The following RIN3 variants were observed in gnomAD, a reference collection of about 807,000 sequenced individuals.
RIN3 encodes the protein Ras and Rab interactor 3.
A neutral mutation model predicts 76.3 loss-of-function variants in RIN3; 54 were observed. The observed-to-expected ratio is 0.71, with a 90% CI of 0.57 to 0.89. The LOEUF is 0.89. RIN3 is among the 40% of genes least tolerant of loss of function. The probability of loss-of-function intolerance (pLI) is 0.00; values close to 1 mark genes in which losing one functional copy is unlikely to be tolerated. For synonymous variants in RIN3, 576 were observed against 564.0 expected, an observed-to-expected ratio of 1.02 and a Z score of -0.30; for missense variants, 1,256 against 1,322.1, an observed-to-expected ratio of 0.95 and a Z score of 0.78.
chr14:92,548,621 T>C (rs980043493), intron 1 of RIN3, among the ~76,000 whole-genome samples: 4 of 152,072 alleles, frequency 2.6e-5, no homozygotes, highest in African/African-American at 9.7e-5. Flanking sequence ...TGGCACTCCT[T>C]GGCTTGGGGC....
chr14:92,540,336 A>T (rs1008182485), intron 1 of RIN3, among the ~76,000 whole-genome samples: 9 of 152,138 alleles, frequency 5.9e-5, no homozygotes, highest in Admixed American at 2.0e-4. Flanking sequence ...GCTGCACTCT[A>T]TTCCCCACCT....
chr14:92,629,754 G>A (rs1425629128), intron 4 of RIN3, among the ~76,000 whole-genome samples: 2 of 152,220 alleles, frequency 1.3e-5, no homozygotes, highest in Non-Finnish European at 2.9e-5. Context: ...AAATGCTCTT[G>A]TTATCCCCAT....
At chr14:92,577,754 G>C (rs1041639270) in intron 3 of RIN3, among the ~76,000 whole-genome samples, 4 of 152,166 alleles carry the variant, frequency 2.6e-5, no homozygotes, top group Admixed American at 6.5e-5. Context: ...CTCAATGCAG[G>C]GACGCTGGAG....
At chr14:92,611,410 G>A (rs970621204) in intron 3 of RIN3, among the ~76,000 whole-genome samples, 1 of 152,128 alleles carries the variant, frequency 6.6e-6, no homozygotes. Flanking sequence ...CGAGGCACCT[G>A]CTACCACTCC....
In RIN3 at chr14:92,652,151, T is replaced by C. The variant is rs762777445; in HGVS notation, c.1102T>C (p.Leu368=). 2 of 1,601,792 alleles carry C rather than the reference T, an allele frequency of 1.2e-6. No individual in the cohort carries two copies. Among genetic ancestry groups the C allele is most frequent in the South Asian group, 2.2e-5 (2 of 89,986 alleles). Residue 368 remains leucine (L), a synonymous_variant, in exon 6 of 10, where the codon TTG becomes CTG. Transcript: ENST00000216487. This position sits in a 1 kb window ranked among gnomAD's most constrained non-coding sequence, Gnocchi z 6.4. ...GAAGCCAGGGGCAGCCTCCAGTCCC[T>C]TGCAGCAGGTCCCCGCCCCGCCACT... ...AMKPGAASSP[L]QQVPAPPLPA... is the part of the protein sequence containing the mutation.
In RIN3 at chr14:92,568,755, TATC is replaced by T. The variant is rs1230267848; in HGVS notation, c.250-8602_250-8600del. Among the ~76,000 whole-genome samples the T allele has an allele frequency of 3.3e-5, 5 of 152,196 alleles. No individual in the cohort carries two copies. Among genetic ancestry groups the T allele is most frequent in the African/African-American group, 1.2e-4 (5 of 41,450 alleles). Reference sequence around the variant, plus strand: ...CCTCCTCTGCCCCAGGCCAGCGCCTTATCATGGTTTTTAGTCAGAAGACAAGAG... The same window carrying T: ...CCTCCTCTGCCCCAGGCCAGCGCCTTATGGTTTTTAGTCAGAAGACAAGAG... On this transcript the variant is annotated intron_variant, in intron 2 of 9. Transcript: ENST00000216487. This position sits in a 1 kb window ranked among gnomAD's most constrained non-coding sequence, Gnocchi z 4.2.
chr14:92,632,630 A>G (rs564944812), intron 4 of RIN3, among the ~76,000 whole-genome samples: 3 of 152,272 alleles, frequency 2.0e-5, no homozygotes, highest in African/African-American at 4.8e-5. Flanking sequence ...TGTGACCCGC[A>G]AGCCCCAGCT....
In RIN3 at chr14:92,547,099, T is replaced by TAAAG. The variant is rs1566836637; in HGVS notation, c.45-8652_45-8651insAAAG. Among the ~76,000 whole-genome samples, 239 of 83,886 alleles carry TAAAG rather than the reference T, an allele frequency of 2.8e-3. 56 individuals carry two copies. Among genetic ancestry groups the TAAAG allele is most frequent in the African/African-American group, 9.8e-3 (226 of 23,146 alleles). 55.0% of individuals were successfully genotyped at this position (83,886 alleles called of 152,430 possible). A position where few individuals can be genotyped will look rare whatever the true frequency, so the allele number is the denominator to read the frequency against. On this transcript the variant is annotated intron_variant, in intron 1 of 9. Transcript: ENST00000216487. ...TATATTATATTATATTATATTATAA[T>TAAAG]TAAATAAATTATCTTTATTTTATTA...
chr14:92,650,715 T>C (rs1483309931), intron 5 of RIN3, among the ~76,000 whole-genome samples: 1 of 152,232 alleles, frequency 6.6e-6, no homozygotes, highest in African/African-American at 2.4e-5. Flanking sequence ...CCCTGTGTGC[T>C]CTTTGGAGGG....
chr14:92,648,975 G>A lies in RIN3; in HGVS notation c.533-2607G>A, dbSNP rs895820427. Among the ~76,000 whole-genome samples the A allele has an allele frequency of 6.6e-6, 1 of 152,212 alleles. No homozygotes were observed. Among genetic ancestry groups the A allele is most frequent in the Non-Finnish European group, 1.5e-5 (1 of 68,026 alleles). On this transcript the variant is annotated intron_variant, in intron 5 of 9. Transcript: ENST00000216487. The surrounding 1 kb of genome is among the most constrained non-coding windows in gnomAD (Gnocchi z 4.1). ...CTGCTGGTGGGGCAGCGCATGGCAC[G>A]TGGAGGAAGGAGTGAACGGCAGATA...
intron 3 of RIN3, among the ~76,000 whole-genome samples, chr14:92,610,816 G>C (rs1885703034): frequency 6.6e-6 from 1 of 152,086 alleles, no homozygotes; most frequent in Non-Finnish European, 1.5e-5. Context: ...GGAGCAATAG[G>C]AAATGAGACC....
chr14:92,617,110 C>T (rs1202761871), intron 4 of RIN3, among the ~76,000 whole-genome samples: 1 of 152,034 alleles, frequency 6.6e-6, no homozygotes, highest in Non-Finnish European at 1.5e-5. Flanking sequence ...ACCAGCCTGG[C>T]CAACATGGTG....
intron 7 of RIN3, among the ~76,000 whole-genome samples, chr14:92,676,096 T>C (rs1318404929): frequency 1.3e-5 from 2 of 151,752 alleles, no homozygotes; most frequent in Admixed American, 6.6e-5. Context: ...TTCGTGGGGA[T>C]AGGGAACCTT....
chr14:92,544,719 TAA>T (rs76327899), intron 1 of RIN3, among the ~76,000 whole-genome samples: 1 of 151,460 alleles, frequency 6.6e-6, no homozygotes, highest in African/African-American at 2.4e-5. Flanking sequence ...CTTTTTTTTT[TAA>T]ATTAAATATC....
intron 1 of RIN3, among the ~76,000 whole-genome samples, chr14:92,554,382 A>T (rs957463208): frequency 1.3e-5 from 2 of 152,036 alleles, no homozygotes; most frequent in Non-Finnish European, 2.9e-5. Context: ...CCTCAGTTTG[A>T]CTTTGCTGTT....
intron 2 of RIN3, among the ~76,000 whole-genome samples, chr14:92,562,000 G>C (rs531466690): frequency 6.6e-5 from 10 of 152,072 alleles, no homozygotes; most frequent in Non-Finnish European, 1.5e-4. Context: ...TTTACCTAGC[G>C]TCTTTTCTCT....
At chr14:92,532,043 C>G (rs1261210222) in intron 1 of RIN3, among the ~76,000 whole-genome samples, 5 of 151,926 alleles carry the variant, frequency 3.3e-5, no homozygotes, top group African/African-American at 9.7e-5. Context: ...ATTCTCCTGC[C>G]TCGGCCTCCT....
intron 8 of RIN3, among the ~76,000 whole-genome samples, chr14:92,677,042 T>G (rs1472644853): frequency 2.0e-5 from 3 of 152,144 alleles, no homozygotes; most frequent in Admixed American, 6.5e-5. Context: ...TGGCAGGCAG[T>G]GCTCACAGTA....
intron 3 of RIN3, among the ~76,000 whole-genome samples, chr14:92,589,880 G>T (rs1884918957): frequency 6.6e-6 from 1 of 152,198 alleles, no homozygotes; most frequent in Non-Finnish European, 1.5e-5. Context: ...AAACTGAAAA[G>T]TCAACAACTC....
Sources: gnomAD v4.1 joint callset for allele counts (sites outside exome capture counted in the v4.1 genomes callset) on GRCh38, gnomAD v4.1.1 for gene constraint, Gnocchi (gnomAD v3.1) non-coding constraint, MANE v1.5 for transcripts, NCBI Gene and HGNC (gene_info 2026-07-23, HGNC 2026-07-21) for gene names.